Variants in PIK3C2A observed in about 807,000 individuals in gnomAD.
PIK3C2A encodes the protein phosphatidylinositol 4-phosphate 3-kinase C2 domain-containing subunit alpha.
A neutral mutation model predicts 204.5 loss-of-function variants in PIK3C2A; 97 were observed. The observed-to-expected ratio is 0.47, with a 90% CI of 0.40 to 0.56. The LOEUF is 0.56. Among genes scored for constraint, PIK3C2A ranks in the 20% least tolerant of loss-of-function variants. PIK3C2A has a pLI of 0.00. For synonymous variants in PIK3C2A, 653 were observed against 664.4 expected (o/e 0.98, Z 0.26); for missense variants, 1,735 against 1,969.2 (o/e 0.88, Z 2.25).
intron 1 of PIK3C2A, among the ~76,000 whole-genome samples, chr11:17,198,178 C>T (rs1353528611): frequency 6.6e-6 from 1 of 151,270 alleles, no homozygotes; most frequent in Non-Finnish European, 1.5e-5. Context: ...GCACAGTCTC[C>T]GCTCATTGCA....
chr11:17,158,190 A>T (rs1394192694), intron 2 of PIK3C2A, among the ~76,000 whole-genome samples: 2 of 151,796 alleles, frequency 1.3e-5, no homozygotes, highest in African/African-American at 4.8e-5. Flanking sequence ...CTCTACTAAA[A>T]ATACAAAATT....
rs1848246592 is a variant in PIK3C2A at position 17,089,756 on chromosome 11, A to C, written c.5043T>G (p.Thr1681=). 6.2e-7 allele frequency: 1 copy of C among 1,613,100 alleles called. No homozygotes were observed. Among genetic ancestry groups the C allele is most frequent in the African/African-American group, 1.3e-5 (1 of 74,888 alleles). The change falls in exon 33 of 33, where the codon ACT becomes ACG. Residue 1681 remains threonine, a synonymous_variant. Transcript: ENST00000691414. ...SKETVKWYQL[T]AATYL The stretch of plus-strand genomic sequence containing the variant: ...CACTAGTTTACAAGTATGTTGCCGC[A>C]GTCAGCTGATACCATTTAACCGTCT...
At chr11:17,095,873 C>T (rs887221799) in intron 27 of PIK3C2A, among the ~76,000 whole-genome samples, 1 of 151,106 alleles carries the variant, frequency 6.6e-6, no homozygotes, top group Non-Finnish European at 1.5e-5. Flanking sequence ...GACGAGATTG[C>T]GCCACTGCAC....
rs762477805 is a variant in PIK3C2A, at chr11:17,150,573, A to C, written c.1252T>G (p.Cys418Gly). 6 of 1,612,368 alleles carry C rather than the reference A, an allele frequency of 3.7e-6. No individual in the cohort carries two copies. The highest frequency in any genetic ancestry group is 3.3e-5 in the South Asian group (3 of 90,958). ...ACCTTCACACTAGCATTTTCTCCGC[A>C]TATGTTTCTTTGTGCTGTGACTGGA... ...LSPVTAQRNI[C>G]GENASVKVSI... The change falls in exon 4 of 33, where the codon TGC (cysteine) becomes GGC (glycine). Residue 418 changes from cysteine (C) to glycine (G), a missense_variant. Cys to Gly is a radical substitution (Grantham distance 159). Around this residue, in one of 6 missense-constraint regions of PIK3C2A, gnomAD observed 536 missense variants for 546.7 expected, o/e 0.98. Transcript: ENST00000691414.
At chr11:17,194,897 G>T (rs529160832) in intron 1 of PIK3C2A, among the ~76,000 whole-genome samples, 1 of 137,648 alleles carries the variant, frequency 7.3e-6, no homozygotes, top group Non-Finnish European at 1.5e-5. Flanking sequence ...CAACAAGAAC[G>T]AAACTCCATC....
intron 1 of PIK3C2A, among the ~76,000 whole-genome samples, chr11:17,201,769 C>CT (rs773202192): frequency 6.6e-6 from 1 of 152,096 alleles, no homozygotes; most frequent in Non-Finnish European, 1.5e-5. Flanking sequence ...TCCCTTACAT[C>CT]TTTTCTTTCC....
intron 1 of PIK3C2A, among the ~76,000 whole-genome samples, chr11:17,203,623 C>T (rs1043482817): frequency 6.6e-6 from 1 of 151,708 alleles, no homozygotes; most frequent in African/African-American, 2.4e-5. Flanking sequence ...CATTGGAGTC[C>T]CTTTTCCTTT....
At position 17,134,973 on chromosome 11, in the gene PIK3C2A, T is replaced by C. The variant is rs1198350382; in HGVS notation, c.1954A>G (p.Ile652Val). Reference protein sequence around the residue: ...QVSINQLTAAIYDLLRLHANS... With the variant: ...QVSINQLTAAVYDLLRLHANS... ...GCATGGAGTCTGAGAAGATCATAAA[T>C]TGCTGCAGTTAATTGGTTTATGCTT... The change falls in exon 11 of 33, where the codon ATT becomes GTT. Residue 652 changes from isoleucine to valine, a missense_variant. This residue lies in a region of PIK3C2A where 567 missense variants were observed against 576.0 expected (regional missense o/e 0.98). Coordinates refer to ENST00000691414, the MANE Select transcript of PIK3C2A (RefSeq NM_002645.4). 6.2e-7 allele frequency: 1 copy of C among 1,614,134 alleles called. No individual in the cohort carries two copies. The highest frequency in any genetic ancestry group is 1.1e-5 in the South Asian group (1 of 91,086).
intron 15 of PIK3C2A, 138 bp downstream of exon 15, chr11:17,122,050 A>C (rs1489458466): frequency 1.3e-5 from 7 of 535,654 alleles, no homozygotes; most frequent in Non-Finnish European, 2.3e-5. Flanking sequence ...AAAGGAAAAA[A>C]AGTAAGTTAA....
intron 32 of PIK3C2A, 49 bp downstream of exon 32, chr11:17,091,285 T>C (rs1364174757): frequency 3.4e-5 from 52 of 1,544,244 alleles, no homozygotes; most frequent in Non-Finnish European, 4.6e-5. Context: ...AAAATGAAAA[T>C]TAAAAAAATA....
At chr11:17,190,992 A>T (rs1264614717) in intron 1 of PIK3C2A, among the ~76,000 whole-genome samples, 1 of 152,192 alleles carries the variant, frequency 6.6e-6, no homozygotes, top group African/African-American at 2.4e-5. Context: ...AGTTCAGTGA[A>T]GCCCAAGCAG....
intron 8 of PIK3C2A, chr11:17,138,040 A>G: frequency 3.1e-6 from 2 of 643,118 alleles, no homozygotes; most frequent in Non-Finnish European, 5.8e-6. Context: ...CTGCTCCTTG[A>G]TAAGGAAAGC....
chr11:17,116,043 T>A (rs1849178193), intron 19 of PIK3C2A, among the ~76,000 whole-genome samples: 1 of 152,070 alleles, frequency 6.6e-6, no homozygotes, highest in African/African-American at 2.4e-5. Context: ...ATAGATAAAC[T>A]GGACTTCATC....
chr11:17,138,685 G>T (rs947666978), intron 8 of PIK3C2A, among the ~76,000 whole-genome samples: 18 of 152,038 alleles, frequency 1.2e-4, no homozygotes, highest in Non-Finnish European at 2.2e-4. Context: ...GGCTTTGTGG[G>T]CCATACAGTC....
At chr11:17,165,717 G>A (rs912365962) in intron 2 of PIK3C2A, among the ~76,000 whole-genome samples, 2 of 146,038 alleles carry the variant, frequency 1.4e-5, no homozygotes, top group African/African-American at 5.1e-5. Context: ...AGAGGTTGCG[G>A]TGAGCTGAGA....
intron 2 of PIK3C2A, among the ~76,000 whole-genome samples, chr11:17,160,140 C>G (rs1041589072): frequency 3.3e-5 from 5 of 152,154 alleles, no homozygotes; most frequent in African/African-American, 1.2e-4. Flanking sequence ...CACAGCATCT[C>G]GAGCATAGAC....
chr11:17,165,732 G>T (rs146514568), intron 2 of PIK3C2A, among the ~76,000 whole-genome samples: 32 of 127,708 alleles, frequency 2.5e-4, no homozygotes, highest in South Asian at 1.1e-3. Flanking sequence ...CTGAGATCAC[G>T]CAATTGCACT....
At chr11:17,107,641 T>C (rs1018073447) in intron 22 of PIK3C2A, among the ~76,000 whole-genome samples, 1 of 152,228 alleles carries the variant, frequency 6.6e-6, no homozygotes, top group African/African-American at 2.4e-5. Flanking sequence ...TCCTACTATG[T>C]GCAAATATTA....
At chr11:17,093,393 A>C (rs1049581540) in intron 28 of PIK3C2A, among the ~76,000 whole-genome samples, 4 of 152,084 alleles carry the variant, frequency 2.6e-5, no homozygotes, top group African/African-American at 9.7e-5. Flanking sequence ...CAGCCTCCCA[A>C]GTAGCTGGGA....
Sources: gnomAD v4.1 joint callset for allele counts (sites outside exome capture counted in the v4.1 genomes callset) on GRCh38, gnomAD v4.1.1 for gene constraint, gnomAD v4.1.1 regional missense constraint, MANE v1.5 for transcripts, NCBI Gene and HGNC (gene_info 2026-07-23, HGNC 2026-07-21) for gene names.